TRIM41: variants seen among roughly 807,000 people sequenced by gnomAD.
TRIM41 encodes the protein tripartite motif containing 41.
TRIM41 carries 21 observed loss-of-function variants against 60.6 expected under a neutral mutation model. The observed-to-expected ratio is 0.35, with a 90% CI of 0.25 to 0.50. TRIM41 has a LOEUF of 0.50. TRIM41 is among the 20% of genes least tolerant of loss of function. The pLI is 0.98. For synonymous variants in TRIM41, 407 were observed against 344.9 expected, an observed-to-expected ratio of 1.18 and a Z score of -2.00; for missense variants, 846 against 868.3, an observed-to-expected ratio of 0.97 and a Z score of 0.32.
rs1582285675 is a variant in TRIM41, at chr5:181,234,667, A to G, written c.1785A>G (p.Ala595=). 6.2e-7 allele frequency: 1 copy of G among 1,614,208 alleles called. No individual in the cohort carries two copies. The highest frequency in any genetic ancestry group is 1.1e-5 in the South Asian group (1 of 91,082). Reference sequence around the variant, plus strand: ...CTGGGCGCCTGGGCTTCTACAACGCAGAGACTCTAGCCCACGTGCACACCT... The same window carrying G: ...CTGGGCGCCTGGGCTTCTACAACGCGGAGACTCTAGCCCACGTGCACACCT... ...YEAGRLGFYN[A]ETLAHVHTFS... Residue 595 remains alanine, a synonymous_variant, in exon 6 of 6, where the codon GCA becomes GCG. Coordinates refer to ENST00000315073, the MANE Select transcript of TRIM41 (RefSeq NM_033549.5). The surrounding 1 kb of genome is among the most constrained non-coding windows in gnomAD (Gnocchi z 5.6).
At chr5:181,231,400 C>T (rs574650088) in intron 2 of TRIM41, 1 of 151,876 alleles carries the variant, frequency 6.6e-6, no homozygotes, top group African/African-American at 2.5e-5. Flanking sequence ...GCTCGCCCTT[C>T]TCCAAGGAGT....
rs1187030579 is a variant in TRIM41 at position 181,235,494 on chromosome 5, G to C, written c.*719G>C. 2 of 1,507,936 alleles carry C rather than the reference G, an allele frequency of 1.3e-6. No individual in the cohort carries two copies. Among genetic ancestry groups the C allele is most frequent in the South Asian group, 1.2e-5 (1 of 83,766 alleles). The allele number at this position is 1,507,936 out of a possible 1,614,324, so 93.4% of individuals were successfully genotyped here. On this transcript the variant is annotated 3_prime_UTR_variant, in exon 6 of 6. Transcript: ENST00000315073. The stretch of plus-strand genomic sequence containing the variant: ...CTTCCCTTTTCCAGCACTCAACCAA[G>C]GAGCAAAGCTCATCCCACCCCACAC...
At chr5:181,225,204 A>G (rs1405300619) in intron 1 of TRIM41, 2 of 284,034 alleles carry the variant, frequency 7.0e-6, no homozygotes, top group Non-Finnish European at 1.4e-5. Context: ...GCAGGAACAC[A>G]GAGATAACTG....
chr5:181,234,789 C>T lies in TRIM41; in HGVS notation c.*14C>T, dbSNP rs200682239. 4.3e-5 allele frequency: 69 copies of T among 1,606,564 alleles called. No homozygotes were observed. The highest frequency in any genetic ancestry group is 2.5e-4 in the East Asian group (11 of 44,796). The stretch of plus-strand genomic sequence containing the variant: ...CTCTGCCCTTGATTATCCTGCCACC[C>T]GCAGGGGCCCCTCTGTCAGCACTTG... On this transcript the variant is annotated 3_prime_UTR_variant, in exon 6 of 6. Transcript: ENST00000315073. This position sits in a 1 kb window ranked among gnomAD's most constrained non-coding sequence, Gnocchi z 5.6.
Position 181,224,310 on chromosome 5 carries a change from A to G in TRIM41, c.311A>G (p.Glu104Gly), listed in dbSNP as rs199597408. 10 of 1,613,876 alleles carry G rather than the reference A, an allele frequency of 6.2e-6. No individual in the cohort carries two copies. Among genetic ancestry groups the G allele is most frequent in the African/African-American group, 1.3e-5 (1 of 74,898 alleles). The change falls in exon 1 of 6, where the codon GAG becomes GGG. Residue 104 changes from glutamate (E) to glycine (G), a missense_variant. Transcript: ENST00000315073. The part of the protein sequence containing the change: ...DMEEEVEEEE[E>G]GVFWTSGMSR... The stretch of plus-strand genomic sequence containing the variant: ...GAGGAGGAGGTCGAGGAGGAAGAAG[A>G]GGGTGTGTTCTGGACCAGTGGCATG...
At position 181,224,310 on chromosome 5, in the gene TRIM41, A is replaced by T. The variant is rs199597408; in HGVS notation, c.311A>T (p.Glu104Val). The change falls in exon 1 of 6, where the codon GAG becomes GTG. Residue 104 changes from glutamate (E) to valine (V), a missense_variant. Transcript: ENST00000315073. ...GAGGAGGAGGTCGAGGAGGAAGAAGAGGGTGTGTTCTGGACCAGTGGCATG... is the reference window on the plus strand; with the variant it reads ...GAGGAGGAGGTCGAGGAGGAAGAAGTGGGTGTGTTCTGGACCAGTGGCATG... Reference protein sequence around the residue: ...DMEEEVEEEEEGVFWTSGMSR... With the variant: ...DMEEEVEEEEVGVFWTSGMSR... 2 of 1,613,758 alleles carry T rather than the reference A, an allele frequency of 1.2e-6. No individual in the cohort carries two copies. Among genetic ancestry groups the T allele is most frequent in the South Asian group, 2.2e-5 (2 of 91,068 alleles).
Position 181,224,446 on chromosome 5 carries a change from TGAGGAGGAC to T in TRIM41, c.456_464del (p.Asp152_Glu154del). 6.2e-7 allele frequency: 1 copy of T among 1,611,816 alleles called. No homozygotes were observed. The highest frequency in any genetic ancestry group is 8.5e-7 in the Non-Finnish European group (1 of 1,179,054). ...AGGAGGAGGACCTGAGGGGGGAGGA[TGAGGAGGAC>T]GAGGAGGAAGTGCTGGAGGAGGTTG... On this transcript the variant is annotated inframe_deletion, in exon 1 of 6. Transcript: ENST00000315073.
intron 1 of TRIM41, chr5:181,228,981 T>C (rs1326754024): frequency 6.6e-6 from 1 of 150,798 alleles, no homozygotes; most frequent in East Asian, 1.9e-4. Flanking sequence ...AATTTAAGCG[T>C]TATAAATTCT....
Position 181,232,997 on chromosome 5 carries a change from C to T in TRIM41, c.1140+108C>T, listed in dbSNP as rs1381227954. Reference sequence around the variant, plus strand: ...CTCTTTTCTCCCTGGGAGGAACCCACAGTGATTGAACCTGAAGACCAAAAA... The same window carrying T: ...CTCTTTTCTCCCTGGGAGGAACCCATAGTGATTGAACCTGAAGACCAAAAA... On this transcript the variant is annotated intron_variant, in intron 3 of 5. Coordinates refer to ENST00000315073, the MANE Select transcript of TRIM41 (RefSeq NM_033549.5). 3 of 1,148,696 alleles carry T rather than the reference C, an allele frequency of 2.6e-6. No homozygotes were observed. The Admixed American group carries it at 5.9e-5, about 23-fold the overall frequency. The allele number at this position is 1,148,696 out of a possible 1,614,324, so 71.2% of individuals were successfully genotyped here. A position where few individuals can be genotyped will look rare whatever the true frequency, so the allele number is the denominator to read the frequency against.
In TRIM41 at chr5:181,233,282, TGA is replaced by T; in HGVS notation, c.1141-129_1141-128del. 1 of 951,376 alleles carries T rather than the reference TGA, an allele frequency of 1.1e-6. No homozygotes were observed. Among genetic ancestry groups the T allele is most frequent in the Non-Finnish European group, 1.7e-6 (1 of 586,700 alleles). The allele number at this position is 951,376 out of a possible 1,614,324, so 58.9% of individuals were successfully genotyped here. A position where few individuals can be genotyped will look rare whatever the true frequency, so the allele number is the denominator to read the frequency against. ...ATGGATGTGTGTTCATTGAGGGCCG[TGA>T]GGGTGCTGCTTCTCCCTTCCTGCTC... On this transcript the variant is annotated intron_variant, in intron 3 of 5. Transcript: ENST00000315073. The surrounding 1 kb of genome is among the most constrained non-coding windows in gnomAD (Gnocchi z 4.1).
intron 1 of TRIM41, 161 bp downstream of exon 1, chr5:181,224,973 G>C: frequency 3.6e-6 from 3 of 835,094 alleles, no homozygotes; most frequent in Non-Finnish European, 5.6e-6. Flanking sequence ...AGGTGGATTA[G>C]AATGAGAAGG....
At position 181,224,506 on chromosome 5, in the gene TRIM41, C is replaced by T. The variant is rs766966233; in HGVS notation, c.507C>T (p.Thr169=). 4 of 1,612,124 alleles carry T rather than the reference C, an allele frequency of 2.5e-6. No individual in the cohort carries two copies. The South Asian group carries it at 4.4e-5, about 18-fold the overall frequency. The change falls in exon 1 of 6, where the codon ACC becomes ACT. Residue 169 remains threonine (T), a synonymous_variant. Coordinates refer to ENST00000315073, the MANE Select transcript of TRIM41 (RefSeq NM_033549.5). The part of the protein sequence containing the change: ...EVEEEDLDPV[T]PLPPPPAPRR... ...AGGAAGAGGATCTAGACCCCGTCACCCCACTGCCCCCGCCTCCAGCCCCTC... is the reference window on the plus strand; with the variant it reads ...AGGAAGAGGATCTAGACCCCGTCACTCCACTGCCCCCGCCTCCAGCCCCTC...
chr5:181,230,901 T>C, intron 2 of TRIM41, 62 bp downstream of exon 2: 1 of 1,471,076 alleles, frequency 6.8e-7, no homozygotes, highest in Non-Finnish European at 9.5e-7. Context: ...AGGTAGGGCT[T>C]CCCACTCTCA....
intron 1 of TRIM41, 131 bp downstream of exon 1, chr5:181,224,943 C>G: frequency 1.7e-6 from 2 of 1,199,078 alleles, no homozygotes; most frequent in Non-Finnish European, 2.4e-6. Context: ...GTTTGCTTAT[C>G]TAAGCACTTA....
intron 1 of TRIM41, chr5:181,226,093 C>T (rs1008354235): frequency 6.6e-6 from 1 of 151,940 alleles, no homozygotes; most frequent in African/African-American, 2.4e-5. Flanking sequence ...ATTTCTTTTA[C>T]AGAGTGGCCT....
chr5:181,227,057 G>A (rs1348630139), intron 1 of TRIM41: 1 of 151,798 alleles, frequency 6.6e-6, no homozygotes, highest in Non-Finnish European at 1.5e-5. Flanking sequence ...ATTTTTAGTA[G>A]AGACGGGATT....
In TRIM41 at chr5:181,232,935, G is replaced by C. The variant is rs1343999250; in HGVS notation, c.1140+46G>C. On this transcript the variant is annotated intron_variant, in intron 3 of 5. Transcript: ENST00000315073. ...GTTCCCCCAGCATTCTGTGTTGGCT[G>C]TCAGGCAGTGCTTACCAAACGCCTG... 4 of 1,521,766 alleles carry C rather than the reference G, an allele frequency of 2.6e-6. No individual in the cohort carries two copies. The East Asian group carries it at 9.8e-5, about 37-fold the overall frequency. The allele number at this position is 1,521,766 out of a possible 1,614,324, so 94.3% of individuals were successfully genotyped here. A position where few individuals can be genotyped will look rare whatever the true frequency, so the allele number is the denominator to read the frequency against.
chr5:181,223,918 CGGGTCGCCA>C lies in TRIM41; in HGVS notation c.-78_-70del, dbSNP rs1401262914. The C allele has an allele frequency of 6.9e-7, 1 of 1,451,702 alleles. No homozygotes were observed. The highest frequency in any genetic ancestry group is 9.3e-7 in the Non-Finnish European group (1 of 1,075,450). The allele number at this position is 1,451,702 out of a possible 1,614,324, so 89.9% of individuals were successfully genotyped here. On this transcript the variant is annotated 5_prime_UTR_variant, in exon 1 of 6. Coordinates refer to ENST00000315073, the MANE Select transcript of TRIM41 (RefSeq NM_033549.5). The stretch of plus-strand genomic sequence containing the variant: ...GGAGGGGCAGGGCTGGGGGTGGAGC[CGGGTCGCCA>C]GGGCGTCGGTAGGGAAGACCCCCGC...
chr5:181,223,902 G>C lies in TRIM41; in HGVS notation c.-98G>C. The C allele has an allele frequency of 7.7e-7, 1 of 1,306,446 alleles. No individual in the cohort carries two copies. Among genetic ancestry groups the C allele is most frequent in the Non-Finnish European group, 1.1e-6 (1 of 951,146 alleles). 80.9% of individuals were successfully genotyped at this position (1,306,446 alleles called of 1,614,324 possible). A position where few individuals can be genotyped will look rare whatever the true frequency, so the allele number is the denominator to read the frequency against. On this transcript the variant is annotated 5_prime_UTR_variant, in exon 1 of 6. Transcript: ENST00000315073. ...TCTTGGGGCGAGGTGTGGAGGGGCAGGGCTGGGGGTGGAGCCGGGTCGCCA... is the reference window on the plus strand; with the variant it reads ...TCTTGGGGCGAGGTGTGGAGGGGCACGGCTGGGGGTGGAGCCGGGTCGCCA...
Sources: gnomAD v4.1 joint callset for allele counts on GRCh38, gnomAD v4.1.1 for gene constraint, Gnocchi (gnomAD v3.1) non-coding constraint, MANE v1.5 for transcripts, NCBI Gene and HGNC (gene_info 2026-07-23, HGNC 2026-07-21) for gene names.